The following ATAD5 variants were observed in gnomAD, a reference collection of about 807,000 sequenced individuals.
The protein encoded by ATAD5 is ATPase family AAA domain containing 5.
In ATAD5, 58 loss-of-function variants were observed where a neutral mutation model predicts 176.9. The observed-to-expected ratio is 0.33, with a 90% CI of 0.27 to 0.41. ATAD5 has a LOEUF of 0.41. Among genes scored for constraint, ATAD5 ranks in the 10% least tolerant of loss-of-function variants. ATAD5 has a pLI of 1.00. For synonymous variants in ATAD5, 640 were observed against 712.6 expected (o/e 0.90, Z 1.62); for missense variants, 1,789 against 2,094.1 (o/e 0.85, Z 2.84).
chr17:30,888,755 C>T lies in ATAD5; in HGVS notation c.4258+1383C>T, dbSNP rs775958594. Among the ~76,000 whole-genome samples, 7 of 151,884 alleles carry T rather than the reference C, an allele frequency of 4.6e-5. No individual in the cohort carries two copies. The South Asian group carries it at 1.0e-3, about 22-fold the overall frequency. On this transcript the variant is annotated intron_variant, in intron 19 of 22. Coordinates refer to ENST00000321990, the MANE Select transcript of ATAD5 (RefSeq NM_024857.5). ...TTTGTAGTTGAGCTTTTAAGATGAT[C>T]TCATTGTTTAATTTTAAAAAAACAC...
chr17:30,850,829 ATTTT>A (rs1181411844), intron 6 of ATAD5, among the ~76,000 whole-genome samples: 83 of 27,874 alleles, frequency 3.0e-3, no homozygotes, highest in African/African-American at 0.014. Context: ...ATATTTATAT[ATTTT>A]TATATATATA....
rs72811660 is a variant in ATAD5 at position 30,859,171 on chromosome 17, A to G, written c.2956+848A>G. Among the ~76,000 whole-genome samples, 692 of 152,354 alleles carry G rather than the reference A, an allele frequency of 4.5e-3. 4 individuals are homozygous for G. Among genetic ancestry groups the G allele is most frequent in the Non-Finnish European group, 8.5e-3 (576 of 68,044 alleles). On this transcript the variant is annotated intron_variant, in intron 9 of 22. Coordinates refer to ENST00000321990, the MANE Select transcript of ATAD5 (RefSeq NM_024857.5). ...AGTATCTTGTACAATGCAATGTGCA[A>G]CATTAATCCCCGCCAGTTTCCAAAA...
intron 14 of ATAD5, among the ~76,000 whole-genome samples, chr17:30,872,106 G>A (rs1908369570): frequency 6.6e-6 from 1 of 151,982 alleles, no homozygotes; most frequent in African/African-American, 2.4e-5. Context: ...TTTGTAGAGG[G>A]GGTCTTGCTG....
In ATAD5 at chr17:30,837,329, A is replaced by C; in HGVS notation, c.2076+15A>C. On this transcript the variant is annotated intron_variant, in intron 3 of 22. Transcript: ENST00000321990. ...AGATTAGAAAGGTAATTAAAATATT[A>C]GAGAGTCCTATAAGTGCCATTCTGT... 6.8e-7 allele frequency: 1 copy of C among 1,477,464 alleles called. No homozygotes were observed. The highest frequency in any genetic ancestry group is 1.3e-5 in the South Asian group (1 of 78,360). 91.5% of individuals were successfully genotyped at this position (1,477,464 alleles called of 1,614,324 possible). A position where few individuals can be genotyped will look rare whatever the true frequency, so the allele number is the denominator to read the frequency against.
chr17:30,856,764 G>T (rs994833608), intron 7 of ATAD5, among the ~76,000 whole-genome samples, 191 bp from the exon 8 acceptor site: 1 of 151,894 alleles, frequency 6.6e-6, no homozygotes, highest in African/African-American at 2.4e-5. Context: ...CAACTGGAAG[G>T]GAAGTCTAGG....
At chr17:30,854,532 C>T (rs1049710551) in intron 6 of ATAD5, among the ~76,000 whole-genome samples, 4 of 151,246 alleles carry the variant, frequency 2.6e-5, no homozygotes, top group Non-Finnish European at 4.4e-5. Context: ...CCACCATGCC[C>T]GGCTAATTTT....
intron 19 of ATAD5, 100 bp from the exon 20 acceptor site, chr17:30,892,507 A>G (rs935011792): frequency 1.4e-6 from 1 of 691,118 alleles, no homozygotes; most frequent in Non-Finnish European, 2.2e-6. Context: ...AAATGGGGGT[A>G]TTTGTCCAGA....
Position 30,868,426 on chromosome 17 carries a change from CTTTTTT to C in ATAD5, c.3313+24_3313+29del. The C allele has an allele frequency of 2.5e-6, 3 of 1,220,760 alleles. No homozygotes were observed. The highest frequency in any genetic ancestry group is 3.9e-5 in the South Asian group (2 of 50,780). The allele number at this position is 1,220,760 out of a possible 1,614,324, so 75.6% of individuals were successfully genotyped here. On this transcript the variant is annotated intron_variant, in intron 12 of 22. Transcript: ENST00000321990. ...AGAAACATGAAGGTATTTTGTGTGT[CTTTTTT>C]TTTTTTTTTACCATTTCACTGAACA...
intron 6 of ATAD5, among the ~76,000 whole-genome samples, chr17:30,853,646 T>C (rs1025308928): frequency 6.6e-6 from 1 of 152,186 alleles, no homozygotes; most frequent in African/African-American, 2.4e-5. Context: ...GCACAGAATA[T>C]TGTGAGTCTT....
In ATAD5 at chr17:30,894,927, C is replaced by T; in HGVS notation, c.*14C>T. 2.6e-6 allele frequency: 4 copies of T among 1,547,626 alleles called. No individual in the cohort carries two copies. The East Asian group carries it at 9.0e-5, about 35-fold the overall frequency. On this transcript the variant is annotated 3_prime_UTR_variant, in exon 23 of 23. Coordinates refer to ENST00000321990, the MANE Select transcript of ATAD5 (RefSeq NM_024857.5). ...GACTTCCCTTAATGTTCCATACTAA[C>T]AATGCTTTGTATAGATTATCATGTG...
At position 30,835,792 on chromosome 17, in the gene ATAD5, G is replaced by A; in HGVS notation, c.1711G>A (p.Asp571Asn). 2 of 1,613,344 alleles carry A rather than the reference G, an allele frequency of 1.2e-6. No individual in the cohort carries two copies. The highest frequency in any genetic ancestry group is 1.1e-5 in the South Asian group (1 of 90,768). ...LSRKTSIPVK[D>N]IKLTQSKAES... is the part of the protein sequence containing the mutation. ...AAGAAAAACCAGCATACCAGTTAAAGATATTAAGCTTACACAGTCTAAAGC... is the reference window on the plus strand; with the variant it reads ...AAGAAAAACCAGCATACCAGTTAAAAATATTAAGCTTACACAGTCTAAAGC... Residue 571 changes from aspartate (D) to asparagine (N), a missense_variant, in exon 2 of 23, where the codon GAT becomes AAT. This residue lies in a region of ATAD5 where 696 missense variants were observed against 712.5 expected (regional missense o/e 0.98). Coordinates refer to ENST00000321990, the MANE Select transcript of ATAD5 (RefSeq NM_024857.5).
chr17:30,839,580 CTTTT>C (rs1250741925), intron 3 of ATAD5, among the ~76,000 whole-genome samples: 2 of 112,248 alleles, frequency 1.8e-5, no homozygotes, highest in Non-Finnish European at 1.9e-5. Context: ...CGGCCATCTT[CTTTT>C]TTTTTTTTTT....
intron 1 of ATAD5, among the ~76,000 whole-genome samples, chr17:30,833,610 ATGTATGTTGCCTT>A (rs1393561886): frequency 6.6e-6 from 1 of 152,222 alleles, no homozygotes; most frequent in African/African-American, 2.4e-5. Flanking sequence ...TCCAGAGCCT[ATGTATGTTGCCTT>A]TGATACAATT....
At chr17:30,880,608 C>CAA (rs199862765) in intron 18 of ATAD5, among the ~76,000 whole-genome samples, 40 of 79,212 alleles carry the variant, frequency 5.0e-4, no homozygotes, top group South Asian at 1.3e-3. Context: ...AACTACATCT[C>CAA]AAAAAAAAAA....
At position 30,846,426 on chromosome 17, in the gene ATAD5, C is replaced by T. The variant is rs148177164; in HGVS notation, c.2450+1510C>T. ...TTTTTTTTTCTTTTTTTTTTTTAGA[C>T]GGAGTCTCACTCTGTCACTAGGCTG... On this transcript the variant is annotated intron_variant, in intron 6 of 22. Coordinates refer to ENST00000321990, the MANE Select transcript of ATAD5 (RefSeq NM_024857.5). Among the ~76,000 whole-genome samples the T allele has an allele frequency of 4.2e-3, 581 of 138,910 alleles. 6 individuals are homozygous for T. Among genetic ancestry groups the T allele is most frequent in the African/African-American group, 0.015 (559 of 37,570 alleles). 91.1% of individuals were successfully genotyped at this position (138,910 alleles called of 152,430 possible).
chr17:30,852,679 G>A (rs1184278098), intron 6 of ATAD5, among the ~76,000 whole-genome samples: 3 of 152,128 alleles, frequency 2.0e-5, no homozygotes, highest in Admixed American at 1.3e-4. Flanking sequence ...ATGGCAGAAG[G>A]TGAAGGGAGA....
Position 30,895,456 on chromosome 17 carries a change from G to A in ATAD5, c.*543G>A, listed in dbSNP as rs964679605. ...ATCTTGCTCTGTCACCCAGGCTGGA[G>A]TGCAGTGGCCTGGTATCGGCTCAGT... On this transcript the variant is annotated 3_prime_UTR_variant, in exon 23 of 23. Transcript: ENST00000321990. The A allele has an allele frequency of 6.7e-6, 1 of 150,156 alleles. No homozygotes were observed. Among genetic ancestry groups the A allele is most frequent in the Non-Finnish European group, 1.5e-5 (1 of 68,046 alleles). 9.3% of individuals were successfully genotyped at this position (150,156 alleles called of 1,614,324 possible).
intron 7 of ATAD5, among the ~76,000 whole-genome samples, chr17:30,856,349 C>T (rs1462302063): frequency 1.3e-5 from 2 of 152,198 alleles, no homozygotes; most frequent in African/African-American, 2.4e-5. Flanking sequence ...CGCCAGTGCT[C>T]ACAAGGTTAG....
chr17:30,834,138 A>C lies in ATAD5; in HGVS notation c.67-10A>C, dbSNP rs777095821. ...TGAAATAAGTGCCTTTTTCTCTTTT[A>C]AATTGCCAGCCATGCAAAAAGCGAA... On this transcript the variant is annotated splice_polypyrimidine_tract_variant and intron_variant, in intron 1 of 22. Transcript: ENST00000321990. 1.3e-6 allele frequency: 2 copies of C among 1,527,148 alleles called. No homozygotes were observed. The highest frequency in any genetic ancestry group is 1.7e-6 in the Non-Finnish European group (2 of 1,143,170). The allele number at this position is 1,527,148 out of a possible 1,614,324, so 94.6% of individuals were successfully genotyped here.
Sources: gnomAD v4.1 joint callset for allele counts (sites outside exome capture counted in the v4.1 genomes callset) on GRCh38, gnomAD v4.1.1 for gene constraint, gnomAD v4.1.1 regional missense constraint, MANE v1.5 for transcripts, NCBI Gene and HGNC (gene_info 2026-07-23, HGNC 2026-07-21) for gene names.